Variants in FRMD4A observed in about 807,000 individuals in gnomAD.
The protein encoded by FRMD4A is FERM domain-containing protein 4A.
FRMD4A carries 29 observed loss-of-function variants against 129.1 expected under a neutral mutation model. The ratio of observed to expected loss-of-function variants is 0.22; its 90% CI spans 0.17 to 0.31. The LOEUF is 0.31. Ranked by LOEUF, FRMD4A falls within the 10% of genes least tolerant of loss-of-function variation. FRMD4A has a pLI of 1.00. For synonymous variants in FRMD4A, 634 were observed against 571.6 expected (o/e 1.11, Z -1.56); for missense variants, 1,272 against 1,375.8 (o/e 0.92, Z 1.19).
At chr10:14,153,675 C>A (rs764920147) in intron 2 of FRMD4A, among the ~76,000 whole-genome samples, 1 of 152,156 alleles carries the variant, frequency 6.6e-6, no homozygotes, top group Non-Finnish European at 1.5e-5. Flanking sequence ...TGTCTCCATG[C>A]GCCTGCTCCC....
At position 13,956,119 on chromosome 10, in the gene FRMD4A, T is replaced by C. The variant is rs1229790906; in HGVS notation, c.46-97207A>G. ...AGCACCTTGTTTGTGCTATACAGTG[T>C]GCTAAGTGATTTAGGTAGAATTCTT... On this transcript the variant is annotated intron_variant, in intron 2 of 24. Coordinates refer to ENST00000357447, the MANE Select transcript of FRMD4A (RefSeq NM_018027.5). Among the ~76,000 whole-genome samples the C allele has an allele frequency of 3.9e-5, 6 of 152,204 alleles. 1 individual carries two copies. Among genetic ancestry groups the C allele is most frequent in the African/African-American group, 7.2e-5 (3 of 41,448 alleles).
At chr10:13,854,469 G>A (rs1881595) in intron 3 of FRMD4A, among the ~76,000 whole-genome samples, 17,723 of 152,032 alleles carry the variant, frequency 0.12, 1,204 homozygotes, top group South Asian at 0.15. Context: ...CGCCCAGGCT[G>A]GAGTGCAGTG....
At chr10:14,162,630 G>GTTT (rs556368229) in intron 2 of FRMD4A, among the ~76,000 whole-genome samples, 13 of 117,336 alleles carry the variant, frequency 1.1e-4, no homozygotes, top group African/African-American at 4.2e-4. Flanking sequence ...GAGTTTCTCT[G>GTTT]TTTTTTTTTT....
intron 6 of FRMD4A, among the ~76,000 whole-genome samples, chr10:13,769,220 TG>T (rs2092382679): frequency 6.6e-6 from 1 of 151,364 alleles, no homozygotes; most frequent in Admixed American, 6.6e-5. Flanking sequence ...TGTGTGTGTG[TG>T]TGTGTGTGTG....
intron 3 of FRMD4A, among the ~76,000 whole-genome samples, chr10:13,843,273 A>T (rs1490662018): frequency 6.6e-6 from 1 of 152,072 alleles, no homozygotes; most frequent in Non-Finnish European, 1.5e-5. Context: ...TCCACATCTC[A>T]AGTGACACTG....
At chr10:14,155,635 A>G (rs888053432) in intron 2 of FRMD4A, among the ~76,000 whole-genome samples, 8 of 152,344 alleles carry the variant, frequency 5.3e-5, no homozygotes, top group Non-Finnish European at 1.0e-4. Context: ...GGTTATATGG[A>G]TTAATGCCGC....
chr10:14,315,392 A>G (rs1410077239), intron 2 of FRMD4A, among the ~76,000 whole-genome samples: 2 of 152,148 alleles, frequency 1.3e-5, no homozygotes, highest in Non-Finnish European at 2.9e-5. Flanking sequence ...TGTGATCTCC[A>G]CCTTCTTCCT....
intron 3 of FRMD4A, among the ~76,000 whole-genome samples, chr10:13,819,662 T>A (rs967405833): frequency 7.2e-5 from 11 of 151,852 alleles, no homozygotes; most frequent in Non-Finnish European, 1.0e-4. Flanking sequence ...GAGGAGGAAC[T>A]AATCCTGGTG....
intron 2 of FRMD4A, among the ~76,000 whole-genome samples, chr10:14,099,126 G>T (rs1033952021): frequency 6.6e-6 from 1 of 152,136 alleles, no homozygotes; most frequent in Non-Finnish European, 1.5e-5. Flanking sequence ...AGGACATCCA[G>T]GTATATAGGC....
At chr10:13,812,302 TAGGTTTAAATG>T (rs1287164139) in intron 3 of FRMD4A, among the ~76,000 whole-genome samples, 1 of 152,106 alleles carries the variant, frequency 6.6e-6, no homozygotes, top group Non-Finnish European at 1.5e-5. Flanking sequence ...GGGAGACAAT[TAGGTTTAAATG>T]AGTTTATGAG....
intron 2 of FRMD4A, among the ~76,000 whole-genome samples, chr10:14,185,484 G>T (rs11258924): frequency 1.3e-5 from 2 of 152,274 alleles, no homozygotes; most frequent in South Asian, 2.1e-4. Context: ...ACAACATTTT[G>T]TAATTTTTCT....
intron 8 of FRMD4A, among the ~76,000 whole-genome samples, chr10:13,751,191 T>C (rs921433168): frequency 6.6e-6 from 1 of 152,074 alleles, no homozygotes; most frequent in Non-Finnish European, 1.5e-5. Flanking sequence ...AAGGGATCGT[T>C]TTACCCACCA....
intron 2 of FRMD4A, among the ~76,000 whole-genome samples, chr10:14,315,608 C>A (rs889780170): frequency 6.6e-6 from 1 of 152,200 alleles, no homozygotes; most frequent in Non-Finnish European, 1.5e-5. Context: ...CTAATGCTTT[C>A]CATTGTTTAC....
At chr10:14,221,314 T>TAG (rs1271420897) in intron 2 of FRMD4A, among the ~76,000 whole-genome samples, 1 of 151,870 alleles carries the variant, frequency 6.6e-6, no homozygotes, top group East Asian at 1.9e-4. Flanking sequence ...CTGTGGAGGG[T>TAG]AGAGAGGCTT....
intron 2 of FRMD4A, among the ~76,000 whole-genome samples, chr10:14,155,179 C>A (rs1000785245): frequency 2.0e-5 from 3 of 152,282 alleles, no homozygotes; most frequent in African/African-American, 7.2e-5. Flanking sequence ...TTTATCGTCC[C>A]AGCTACTCGG....
chr10:13,830,530 G>C (rs115431846), intron 3 of FRMD4A, among the ~76,000 whole-genome samples: 2,617 of 152,290 alleles, frequency 0.017, 106 homozygotes, highest in East Asian at 0.14. Flanking sequence ...GGTTTTAACA[G>C]AGAAGGTGGG....
intron 13 of FRMD4A, among the ~76,000 whole-genome samples, chr10:13,705,087 C>T (rs1352290704): frequency 2.0e-5 from 3 of 152,154 alleles, no homozygotes; most frequent in Non-Finnish European, 2.9e-5. Flanking sequence ...ATAAAAGTTC[C>T]TTCTTCTGCC....
chr10:14,210,518 T>G (rs1455366884), intron 2 of FRMD4A, among the ~76,000 whole-genome samples: 1 of 152,148 alleles, frequency 6.6e-6, no homozygotes, highest in Non-Finnish European at 1.5e-5. Context: ...ATACCCTGCC[T>G]TCTTATATTT....
intron 2 of FRMD4A, among the ~76,000 whole-genome samples, chr10:14,125,759 G>GCA (rs1293815009): frequency 2.0e-5 from 3 of 152,014 alleles, no homozygotes; most frequent in Non-Finnish European, 4.4e-5. Context: ...TCATGCGCAC[G>GCA]CGCACACATA....
Sources: allele counts gnomAD v4.1 joint callset (sites outside exome capture counted in the v4.1 genomes callset), GRCh38; gene constraint gnomAD v4.1.1; transcripts MANE v1.5; gene names NCBI Gene and HGNC (gene_info 2026-07-23, HGNC 2026-07-21).